The following FIG4 variants were observed in gnomAD, a reference collection of about 807,000 sequenced individuals.
The protein encoded by FIG4 is polyphosphoinositide phosphatase.
A neutral mutation model predicts 118.6 loss-of-function variants in FIG4; 112 were observed. That is an observed-to-expected ratio of 0.94 (90% CI 0.81 to 1.11). The LOEUF is 1.11. Among genes scored for constraint, FIG4 ranks in the 50% least tolerant of loss-of-function variants. The probability of loss-of-function intolerance (pLI) is 0.00; values close to 1 mark genes in which losing one functional copy is unlikely to be tolerated. For missense variants in FIG4, 969 were observed against 1,111.7 expected, an observed-to-expected ratio of 0.87 and a Z score of 1.83; for synonymous variants, 369 against 381.2, an observed-to-expected ratio of 0.97 and a Z score of 0.37.
intron 19 of FIG4, among the ~76,000 whole-genome samples, chr6:109,790,195 C>T (rs1403313285): frequency 6.6e-6 from 1 of 152,166 alleles, no homozygotes. Context: ...ACCTCTTTCC[C>T]TTCCACTGAC....
chr6:109,758,520 G>T (rs1776994724), intron 10 of FIG4, among the ~76,000 whole-genome samples: 1 of 152,122 alleles, frequency 6.6e-6, no homozygotes, highest in Non-Finnish European at 1.5e-5. Context: ...AGAAAACCTA[G>T]GCAATACTAT....
At chr6:109,776,849 C>T (rs937822093) in intron 15 of FIG4, 73 bp from the exon 16 acceptor site, 42 of 1,239,744 alleles carry the variant, frequency 3.4e-5, no homozygotes, top group African/African-American at 3.1e-4. Flanking sequence ...CCACTATCCT[C>T]CTAAGAAAAT....
intron 10 of FIG4, among the ~76,000 whole-genome samples, chr6:109,748,650 G>A (rs1436018203): frequency 1.3e-5 from 2 of 152,108 alleles, no homozygotes; most frequent in African/African-American, 2.4e-5. Flanking sequence ...ACATACCTGA[G>A]CCTGGGTAAT....
Position 109,738,829 on chromosome 6 carries a change from C to T in FIG4, c.775+376C>T, listed in dbSNP as rs186243951. On this transcript the variant is annotated intron_variant, in intron 7 of 22. Transcript: ENST00000230124. ...GCCTTAGCAGCGAGAGAGATCAGGC[C>T]GAGCAGAGAGAGAGAGATCACAGCC... Among the ~76,000 whole-genome samples, 577 of 152,000 alleles carry T rather than the reference C, an allele frequency of 3.8e-3. 4 individuals carry two copies. Among genetic ancestry groups the T allele is most frequent in the African/African-American group, 0.013 (554 of 41,402 alleles).
At chr6:109,815,979 T>A (rs560872384) in intron 22 of FIG4, among the ~76,000 whole-genome samples, 1 of 152,100 alleles carries the variant, frequency 6.6e-6, no homozygotes, top group East Asian at 1.9e-4. Context: ...TTCTTTATAA[T>A]TGCCAGTATT....
At chr6:109,691,957 C>T (rs968098926) in intron 1 of FIG4, among the ~76,000 whole-genome samples, 1 of 152,164 alleles carries the variant, frequency 6.6e-6, no homozygotes, top group African/African-American at 2.4e-5. Flanking sequence ...GTGAATTACA[C>T]TTCTATTGGT....
intron 15 of FIG4, among the ~76,000 whole-genome samples, chr6:109,776,662 C>A (rs1309831051): frequency 1.3e-5 from 2 of 152,068 alleles, no homozygotes; most frequent in African/African-American, 4.8e-5. Flanking sequence ...TAAGTGTCTC[C>A]AAATTCAACA....
chr6:109,778,744 G>A (rs138633123), intron 16 of FIG4, among the ~76,000 whole-genome samples: 1,695 of 152,126 alleles, frequency 0.011, 35 homozygotes, highest in South Asian at 0.083. Context: ...GACTATGGGT[G>A]CCCACCACCA....
At chr6:109,701,839 A>T (rs1260554434) in intron 1 of FIG4, 1 of 445,352 alleles carries the variant, frequency 2.2e-6, no homozygotes, top group Non-Finnish European at 4.7e-6. Context: ...ATATAAAGTG[A>T]GAGAGAGAAA....
chr6:109,706,004 G>A (rs923925632), intron 1 of FIG4, among the ~76,000 whole-genome samples: 1 of 152,136 alleles, frequency 6.6e-6, no homozygotes, highest in Non-Finnish European at 1.5e-5. Context: ...AAATTACCCA[G>A]CACATGAAAT....
chr6:109,752,779 T>C (rs1776751831), intron 10 of FIG4, among the ~76,000 whole-genome samples: 1 of 152,210 alleles, frequency 6.6e-6, no homozygotes, highest in South Asian at 2.1e-4. Flanking sequence ...ATTTCTCCCA[T>C]TTTGTAGGTT....
At chr6:109,725,011 A>G (rs184024865) in intron 3 of FIG4, among the ~76,000 whole-genome samples, 2 of 152,092 alleles carry the variant, frequency 1.3e-5, no homozygotes, top group African/African-American at 2.4e-5. Context: ...TCTTAATCTT[A>G]TATCTATTTG....
intron 10 of FIG4, among the ~76,000 whole-genome samples, chr6:109,751,039 G>T (rs1488726185): frequency 6.6e-6 from 1 of 152,006 alleles, no homozygotes; most frequent in African/African-American, 2.4e-5. Flanking sequence ...GTGCTCAATA[G>T]CTACCCCTTT....
intron 1 of FIG4, among the ~76,000 whole-genome samples, chr6:109,693,708 T>C (rs910447432): frequency 3.9e-5 from 6 of 152,194 alleles, no homozygotes; most frequent in African/African-American, 1.2e-4. Flanking sequence ...TATCATCCCC[T>C]GAGTGGACAA....
Position 109,715,119 on chromosome 6 carries a change from T to C in FIG4, c.108T>C (p.Tyr36=). Residue 36 remains tyrosine, a synonymous_variant, in exon 2 of 23, where the codon TAT becomes TAC. Transcript: ENST00000230124. ...GGAGCAATAATGCAGAAACGAAATA[T>C]CGTGTCTTGAAGATTGATAGAACAG... ...LVGSNNAETK[Y]RVLKIDRTEP... 1 of 1,607,012 alleles carries C rather than the reference T, an allele frequency of 6.2e-7. No homozygotes were observed. The highest frequency in any genetic ancestry group is 2.2e-5 in the East Asian group (1 of 44,750).
intron 15 of FIG4, among the ~76,000 whole-genome samples, chr6:109,771,886 C>A (rs769923516): frequency 6.6e-5 from 10 of 152,142 alleles, no homozygotes; most frequent in Non-Finnish European, 1.3e-4. Context: ...TCTAATGCAT[C>A]ATTGCCATTA....
At chr6:109,766,217 G>A (rs553553784) in intron 14 of FIG4, among the ~76,000 whole-genome samples, 1 of 152,280 alleles carries the variant, frequency 6.6e-6, no homozygotes, top group South Asian at 2.1e-4. Context: ...TCTAGGAAAT[G>A]GGCCCTCACC....
intron 5 of FIG4, among the ~76,000 whole-genome samples, chr6:109,733,472 A>G (rs921148162): frequency 6.6e-6 from 1 of 152,132 alleles, no homozygotes; most frequent in Non-Finnish European, 1.5e-5. Context: ...CATAAAGACT[A>G]AAGGAGGACC....
intron 1 of FIG4, 101 bp from the exon 2 acceptor site, chr6:109,714,977 C>A: frequency 1.6e-6 from 1 of 644,070 alleles, no homozygotes; most frequent in Non-Finnish European, 2.8e-6. Context: ...AAAAAGTAAC[C>A]TGACTTTATT....
Sources: gnomAD v4.1 joint callset for allele counts (sites outside exome capture counted in the v4.1 genomes callset) on GRCh38, gnomAD v4.1.1 for gene constraint, MANE v1.5 for transcripts, NCBI Gene and HGNC (gene_info 2026-07-23, HGNC 2026-07-21) for gene names.